Variants in TMEM132C observed in about 807,000 individuals in gnomAD.
TMEM132C encodes the protein protein phosphatase 1, regulatory subunit 152.
Under a neutral mutation model 61.4 loss-of-function variants are expected in TMEM132C, and 29 were observed. That is an observed-to-expected ratio of 0.47 (90% CI 0.35 to 0.64). The LOEUF is 0.64. Ranked by LOEUF, TMEM132C falls within the 30% of genes least tolerant of loss-of-function variation. The pLI is 0.00. For synonymous variants in TMEM132C, 656 were observed against 633.1 expected (o/e 1.04, Z -0.54); for missense variants, 1,408 against 1,476.9 (o/e 0.95, Z 0.76).
chr12:128,473,871 C>T (rs1871073367), intron 2 of TMEM132C, among the ~76,000 whole-genome samples: 1 of 152,184 alleles, frequency 6.6e-6, no homozygotes, highest in Admixed American at 6.5e-5. Flanking sequence ...GCCTAACTTA[C>T]TTACATCTGC....
intron 3 of TMEM132C, among the ~76,000 whole-genome samples, chr12:128,554,828 T>TAA (rs1213030008): frequency 7.0e-6 from 1 of 141,996 alleles, no homozygotes; most frequent in Non-Finnish European, 1.5e-5. Flanking sequence ...CTTATGGCTG[T>TAA]AAGTGTCAGC....
intron 2 of TMEM132C, among the ~76,000 whole-genome samples, chr12:128,447,195 C>T (rs1272214091): frequency 2.0e-5 from 3 of 152,126 alleles, no homozygotes; most frequent in African/African-American, 7.2e-5. Flanking sequence ...GCGCCTGTGT[C>T]CACTTACTTA....
In TMEM132C at chr12:128,683,169, C is replaced by T. The variant is rs543095257; in HGVS notation, c.1450-10660C>T. On this transcript the variant is annotated intron_variant, in intron 5 of 8. Transcript: ENST00000435159. ...CTCTCACCACTCTCCTCTTCCAACC[C>T]CCTTGTAAACACCCTTCTGGGGCTA... Among the ~76,000 whole-genome samples the T allele has an allele frequency of 2.5e-3, 381 of 152,252 alleles. 3 individuals carry two copies. The highest frequency in any genetic ancestry group is 6.9e-3 in the African/African-American group (288 of 41,516).
chr12:128,394,097 A>G (rs998051520), intron 1 of TMEM132C, among the ~76,000 whole-genome samples: 5 of 152,186 alleles, frequency 3.3e-5, no homozygotes, highest in Admixed American at 6.5e-5. Flanking sequence ...TCGTGGGGGA[A>G]GGTGAAAGGC....
intron 1 of TMEM132C, among the ~76,000 whole-genome samples, chr12:128,276,610 A>G (rs1228707273): frequency 6.6e-6 from 1 of 152,020 alleles, no homozygotes; most frequent in Non-Finnish European, 1.5e-5. Context: ...TTTCTCTCTT[A>G]GGTTAATTTT....
At chr12:128,692,609 G>T (rs894072725) in intron 5 of TMEM132C, among the ~76,000 whole-genome samples, 9 of 152,152 alleles carry the variant, frequency 5.9e-5, no homozygotes, top group Admixed American at 6.5e-5. Flanking sequence ...GGCACATCTT[G>T]TCTTATAATC....
chr12:128,284,293 C>G (rs747811238), intron 1 of TMEM132C, among the ~76,000 whole-genome samples: 1 of 152,346 alleles, frequency 6.6e-6, no homozygotes, highest in Admixed American at 6.5e-5. Context: ...GTATAGTGCT[C>G]TGGGAGGACC....
chr12:128,359,828 C>T (rs558111849), intron 1 of TMEM132C, among the ~76,000 whole-genome samples: 3 of 152,096 alleles, frequency 2.0e-5, no homozygotes, highest in Admixed American at 6.5e-5. Flanking sequence ...ACCTGATTGG[C>T]GCTAATTTAA....
At chr12:128,682,445 G>A (rs139152323) in intron 5 of TMEM132C, among the ~76,000 whole-genome samples, 7 of 152,314 alleles carry the variant, frequency 4.6e-5, no homozygotes, top group African/African-American at 1.7e-4. Context: ...CGATCTAGCC[G>A]AGGGCGGAGA....
At chr12:128,580,759 C>G (rs572818526) in intron 3 of TMEM132C, among the ~76,000 whole-genome samples, 2 of 152,142 alleles carry the variant, frequency 1.3e-5, no homozygotes, top group African/African-American at 4.8e-5. Context: ...TTACACTGCC[C>G]GCTCGCGCCA....
At chr12:128,390,707 G>T (rs1232552069) in intron 1 of TMEM132C, among the ~76,000 whole-genome samples, 1 of 152,174 alleles carries the variant, frequency 6.6e-6, no homozygotes, top group Admixed American at 6.5e-5. Flanking sequence ...GACAGGGACA[G>T]AATCTGATTT....
Position 128,706,250 on chromosome 12 carries a change from C to A in TMEM132C, c.3282C>A (p.Pro1094=), listed in dbSNP as rs1296762762. 6.4e-7 allele frequency: 1 copy of A among 1,550,672 alleles called. No homozygotes were observed. The change falls in exon 9 of 9, where the codon CCC becomes CCA. Residue 1094 remains proline, a synonymous_variant. Transcript: ENST00000435159. ...GTCAAGACGTGGCTGTGGGTGCCCC[C>A]AAGGAACTTAGAAACTATCTGGAGA... The part of the protein sequence containing the change: ...WVCQDVAVGA[P]KELRNYLEKL...
At chr12:128,277,693 C>G (rs978096732) in intron 1 of TMEM132C, among the ~76,000 whole-genome samples, 1 of 152,176 alleles carries the variant, frequency 6.6e-6, no homozygotes, top group Non-Finnish European at 1.5e-5. Context: ...TATTCATCAA[C>G]CAAATGAGCA....
chr12:128,453,125 T>A (rs1216771548), intron 2 of TMEM132C, among the ~76,000 whole-genome samples: 3 of 152,132 alleles, frequency 2.0e-5, no homozygotes, highest in Non-Finnish European at 4.4e-5. Context: ...GTGACTGCAG[T>A]GTGACGGAGT....
At chr12:128,477,902 T>C (rs1455225121) in intron 2 of TMEM132C, among the ~76,000 whole-genome samples, 2 of 152,164 alleles carry the variant, frequency 1.3e-5, no homozygotes, top group African/African-American at 2.4e-5. Flanking sequence ...CTTTTTATTA[T>C]AAGTCCCTGT....
chr12:128,386,022 T>C (rs1683693), intron 1 of TMEM132C, among the ~76,000 whole-genome samples: 52,592 of 151,694 alleles, frequency 0.35, 10,078 homozygotes, highest in African/African-American at 0.52. Context: ...AGTATTTGGT[T>C]CTCGCTGGCT....
At chr12:128,289,197 C>G (rs1291060347) in intron 1 of TMEM132C, 1 of 152,260 alleles carries the variant, frequency 6.6e-6, no homozygotes, top group Non-Finnish European at 1.5e-5. Flanking sequence ...TGCATACTCT[C>G]ACTTGTTCAT....
intron 2 of TMEM132C, among the ~76,000 whole-genome samples, chr12:128,486,258 C>A (rs924804488): frequency 6.6e-6 from 1 of 152,152 alleles, no homozygotes; most frequent in African/African-American, 2.4e-5. Flanking sequence ...TTATTCAGAG[C>A]CCTTGGTGAC....
intron 3 of TMEM132C, among the ~76,000 whole-genome samples, chr12:128,575,015 T>G (rs1875037109): frequency 6.6e-6 from 1 of 152,252 alleles, no homozygotes; most frequent in Admixed American, 6.5e-5. Context: ...CTCTCTCATC[T>G]GTGCCTCCCG....
Sources: gnomAD v4.1 joint callset for allele counts (sites outside exome capture counted in the v4.1 genomes callset) on GRCh38, gnomAD v4.1.1 for gene constraint, MANE v1.5 for transcripts, NCBI Gene and HGNC (gene_info 2026-07-23, HGNC 2026-07-21) for gene names.